IFI44: variants seen among roughly 807,000 people sequenced by gnomAD.
IFI44 encodes interferon-induced protein 44.
Under a neutral mutation model 45.0 loss-of-function variants are expected in IFI44, and 42 were observed. That is an observed-to-expected ratio of 0.93 (90% CI 0.73 to 1.21). The LOEUF is 1.21. IFI44 is among the 50% of genes most tolerant of loss of function. The pLI, the probability that IFI44 is intolerant of heterozygous loss-of-function variation, is 0.00. For synonymous variants in IFI44, 221 were observed against 188.6 expected, an observed-to-expected ratio of 1.17 and a Z score of -1.41; for missense variants, 623 against 525.8, an observed-to-expected ratio of 1.18 and a Z score of -1.81.
chr1:78,654,197 T>G (rs1321410890), intron 2 of IFI44, 46 bp from the exon 3 acceptor site: 1 of 1,036,242 alleles, frequency 9.7e-7, no homozygotes, highest in Non-Finnish European at 1.5e-6. Flanking sequence ...TTCAGCCAAT[T>G]ATTCGACAAC....
chr1:78,660,413 G>A (rs1647380656), intron 6 of IFI44, 141 bp from the exon 7 acceptor site: 1 of 601,344 alleles, frequency 1.7e-6, no homozygotes. Context: ...AGTTTTTTGG[G>A]GAGATGAGGG....
rs1443010482 is a variant in IFI44 at position 78,655,353 on chromosome 1, C to A, written c.691-9C>A. On this transcript the variant is annotated splice_polypyrimidine_tract_variant and intron_variant, in intron 4 of 8. Coordinates refer to ENST00000370747, the MANE Select transcript of IFI44 (RefSeq NM_006417.5). ...TGAATCTTTAAAATTGCTTTTCTCCCCTCTACAGTATAGGACATACTCTAT... is the reference window on the plus strand; with the variant it reads ...TGAATCTTTAAAATTGCTTTTCTCCACTCTACAGTATAGGACATACTCTAT... 1 of 1,591,470 alleles carries A rather than the reference C, an allele frequency of 6.3e-7. No homozygotes were observed. Among genetic ancestry groups the A allele is most frequent in the South Asian group, 1.2e-5 (1 of 86,464 alleles).
intron 5 of IFI44, 138 bp from the exon 6 acceptor site, chr1:78,659,174 A>G: frequency 1.5e-6 from 1 of 652,126 alleles, no homozygotes; most frequent in South Asian, 2.1e-5. Flanking sequence ...TGTCTTCTCT[A>G]CCAAGATTGT....
At chr1:78,654,940 A>G in intron 3 of IFI44, 74 bp from the exon 4 acceptor site, 1 of 1,145,654 alleles carries the variant, frequency 8.7e-7, no homozygotes, top group Non-Finnish European at 1.2e-6. Flanking sequence ...GAAAAAATGA[A>G]TTCTCAGAAA....
chr1:78,658,365 A>G (rs1166691559), intron 5 of IFI44, among the ~76,000 whole-genome samples: 1 of 152,144 alleles, frequency 6.6e-6, no homozygotes, highest in African/African-American at 2.4e-5. Context: ...TCAAAACTGG[A>G]AACAATTAAA....
intron 5 of IFI44, 95 bp downstream of exon 5, chr1:78,655,606 C>A: frequency 1.8e-6 from 2 of 1,115,356 alleles, no homozygotes; most frequent in South Asian, 1.7e-5. Flanking sequence ...TATACTTGCT[C>A]AAGATCCTTT....
chr1:78,652,108 C>CAA (rs1231756439), intron 2 of IFI44, among the ~76,000 whole-genome samples: 1 of 151,700 alleles, frequency 6.6e-6, no homozygotes, highest in Non-Finnish European at 1.5e-5. Flanking sequence ...TTTTTTGAGA[C>CAA]AGAGTCTCTG....
intron 5 of IFI44, 148 bp downstream of exon 5, chr1:78,655,659 C>A: frequency 1.5e-6 from 1 of 657,978 alleles, no homozygotes; most frequent in Non-Finnish European, 2.4e-6. Flanking sequence ...AAAAACATCT[C>A]GAGGGCTCTT....
In IFI44 at chr1:78,650,646, T is replaced by C; in HGVS notation, c.451T>C (p.Cys151Arg). The change falls in exon 2 of 9, where the codon TGC (cysteine) becomes CGC (arginine). Residue 151 changes from cysteine (C) to arginine (R), a missense_variant. Physicochemically the swap from Cys to Arg is radical, Grantham distance 180. Coordinates refer to ENST00000370747, the MANE Select transcript of IFI44 (RefSeq NM_006417.5). ...ISIQDYEVFR[C>R]EDSLDERKIK... is the part of the protein sequence containing the mutation. ...TATTCAGGATTATGAAGTTTTTCGA[T>C]GCGAAGGTAGGTTTAATTAGATAAT... is the stretch of plus-strand genomic sequence containing the variant. The C allele has an allele frequency of 1.3e-6, 2 of 1,575,290 alleles. No individual in the cohort carries two copies. The highest frequency in any genetic ancestry group is 1.7e-6 in the Non-Finnish European group (2 of 1,162,208).
At chr1:78,656,921 A>G (rs911600962) in intron 5 of IFI44, among the ~76,000 whole-genome samples, 1 of 151,676 alleles carries the variant, frequency 6.6e-6, no homozygotes, top group African/African-American at 2.4e-5. Context: ...AAAATATACA[A>G]AGTAGTTTAA....
chr1:78,663,623 T>C, intron 8 of IFI44, 142 bp from the exon 9 acceptor site: 1 of 1,390,428 alleles, frequency 7.2e-7, no homozygotes, highest in Non-Finnish European at 9.3e-7. Context: ...CATCTTGGTT[T>C]CCCCATCCCT....
intron 5 of IFI44, among the ~76,000 whole-genome samples, chr1:78,658,718 A>T (rs72935641): frequency 0.025 from 3,819 of 152,272 alleles, 110 homozygotes; most frequent in African/African-American, 0.067. Flanking sequence ...AACAAAGTAC[A>T]TATAAATTTG....
rs1412017108 is a variant in IFI44 at position 78,662,795 on chromosome 1, A to C, written c.1205A>C (p.Lys402Thr). Residue 402 changes from lysine to threonine, a missense_variant, in exon 8 of 9, where the codon AAG (lysine) becomes ACG (threonine). Coordinates refer to ENST00000370747, the MANE Select transcript of IFI44 (RefSeq NM_006417.5). ...TCTGAGTGGGAGCTGGACCCTGTAAAGGATGTTCTAATTCTTTCTGCTCTG... is the reference window on the plus strand; with the variant it reads ...TCTGAGTGGGAGCTGGACCCTGTAACGGATGTTCTAATTCTTTCTGCTCTG... ...YSSEWELDPV[K>T]DVLILSALRR... 2.5e-6 allele frequency: 4 copies of C among 1,613,548 alleles called. No homozygotes were observed. Among genetic ancestry groups the C allele is most frequent in the Non-Finnish European group, 3.4e-6 (4 of 1,179,848 alleles).
At chr1:78,658,192 G>A (rs890719127) in intron 5 of IFI44, among the ~76,000 whole-genome samples, 4 of 151,956 alleles carry the variant, frequency 2.6e-5, no homozygotes, top group South Asian at 2.1e-4. Context: ...CACCCAAACT[G>A]AGAATTCTCA....
intron 8 of IFI44, 116 bp downstream of exon 8, chr1:78,662,994 T>G (rs1647556253): frequency 1.3e-6 from 2 of 1,573,654 alleles, no homozygotes; most frequent in Non-Finnish European, 1.7e-6. Context: ...TGCCCTGTGA[T>G]TAGTTCTGCT....
At chr1:78,655,234 C>A (rs1647187347) in intron 4 of IFI44, 25 bp downstream of exon 4, 2 of 1,602,450 alleles carry the variant, frequency 1.2e-6, no homozygotes, top group African/African-American at 1.3e-5. Flanking sequence ...GGCCACCTAG[C>A]CTTTGCTTCT....
chr1:78,663,372 G>T, intron 8 of IFI44: 7 of 985,270 alleles, frequency 7.1e-6, no homozygotes, highest in Non-Finnish European at 8.4e-6. Flanking sequence ...CTAGGTAGAG[G>T]TATGTCCTTT....
intron 6 of IFI44, 24 bp downstream of exon 6, chr1:78,659,507 A>C: frequency 6.3e-7 from 1 of 1,589,048 alleles, no homozygotes. Context: ...CACTTTGCTA[A>C]GGGTAATACC....
intron 7 of IFI44, 53 bp from the exon 8 acceptor site, chr1:78,662,651 T>C (rs1446344575): frequency 1.2e-5 from 17 of 1,381,868 alleles, no homozygotes; most frequent in Non-Finnish European, 1.4e-5. Context: ...TATACTAACA[T>C]AAAATAATAT....
Sources: allele counts gnomAD v4.1 joint callset (sites outside exome capture counted in the v4.1 genomes callset), GRCh38; gene constraint gnomAD v4.1.1; transcripts MANE v1.5; gene names NCBI Gene and HGNC (gene_info 2026-07-23, HGNC 2026-07-21).